Variants in KCNK3 observed in about 807,000 individuals in gnomAD.
KCNK3 encodes potassium channel subfamily K member 3.
A neutral mutation model predicts 27.3 loss-of-function variants in KCNK3; 9 were observed. That is an observed-to-expected ratio of 0.33 (90% CI 0.20 to 0.57). The LOEUF is 0.57. Among genes scored for constraint, KCNK3 ranks in the 20% least tolerant of loss-of-function variants. KCNK3 has a pLI of 0.87. For synonymous variants in KCNK3, 278 were observed against 273.8 expected (o/e 1.02, Z -0.15); for missense variants, 391 against 577.7 (o/e 0.68, Z 3.31).
At chr2:26,709,352 A>AGC in intron 1 of KCNK3, among the ~76,000 whole-genome samples, 1 of 152,266 alleles carries the variant, frequency 6.6e-6, no homozygotes, top group African/African-American at 2.4e-5. Flanking sequence ...AGAAGAGCAG[A>AGC]GCGCCCAGCC....
rs1663518248 is a variant in KCNK3 at position 26,730,567 on chromosome 2, C to T, written c.*1999C>T. 6.6e-6 allele frequency: 1 copy of T among 152,434 alleles called. No individual in the cohort carries two copies. Among genetic ancestry groups the T allele is most frequent in the Non-Finnish European group, 1.5e-5 (1 of 68,184 alleles). 9.4% of individuals were successfully genotyped at this position (152,434 alleles called of 1,614,324 possible). A position where few individuals can be genotyped will look rare whatever the true frequency, so the allele number is the denominator to read the frequency against. ...GCTCCTTAACACTGCCGACCAAGGC[C>T]AGCCCTGGCATTCAGGGAAATTGGA... is the stretch of plus-strand genomic sequence containing the variant. On this transcript the variant is annotated 3_prime_UTR_variant, in exon 2 of 2. Transcript: ENST00000302909.
intron 1 of KCNK3, among the ~76,000 whole-genome samples, chr2:26,699,335 TC>T (rs1203478780): frequency 1.3e-5 from 2 of 152,094 alleles, no homozygotes; most frequent in Non-Finnish European, 2.9e-5. Context: ...GTGCCATGCC[TC>T]CTGTCTGCAG....
chr2:26,712,061 T>C (rs1663129678), intron 1 of KCNK3, among the ~76,000 whole-genome samples: 1 of 152,200 alleles, frequency 6.6e-6, no homozygotes, highest in African/African-American at 2.4e-5. Context: ...TCTTATACCC[T>C]GGCCTGGCTG....
intron 1 of KCNK3, among the ~76,000 whole-genome samples, chr2:26,706,583 C>T (rs879341393): frequency 4.6e-5 from 7 of 152,242 alleles, no homozygotes; most frequent in Admixed American, 3.9e-4. Context: ...GCAGGGGCTC[C>T]TCTTGTCCTT....
At chr2:26,699,840 G>A (rs953216466) in intron 1 of KCNK3, among the ~76,000 whole-genome samples, 4 of 152,220 alleles carry the variant, frequency 2.6e-5, no homozygotes, top group African/African-American at 7.2e-5. Flanking sequence ...GGAAAAGGAC[G>A]CTCAGAGAAG....
At chr2:26,694,393 G>A (rs1230033159) in intron 1 of KCNK3, among the ~76,000 whole-genome samples, 6 of 152,132 alleles carry the variant, frequency 3.9e-5, no homozygotes, top group South Asian at 4.1e-4. Context: ...GCCACTTAGC[G>A]CAGCCCATGA....
intron 1 of KCNK3, among the ~76,000 whole-genome samples, chr2:26,696,431 C>G (rs556189351): frequency 2.6e-5 from 4 of 152,328 alleles, no homozygotes; most frequent in African/African-American, 9.6e-5. Flanking sequence ...CTATGAAGCT[C>G]AGACCCAGCC....
In KCNK3 at chr2:26,730,843, C is replaced by T; in HGVS notation, c.*2275C>T. ...TGTCCTGTCAGTCCCGAGGGAGCCACAACCAAAGCTGCGGAGAGAAGGTGG... is the reference window on the plus strand; with the variant it reads ...TGTCCTGTCAGTCCCGAGGGAGCCATAACCAAAGCTGCGGAGAGAAGGTGG... On this transcript the variant is annotated 3_prime_UTR_variant, in exon 2 of 2. Coordinates refer to ENST00000302909, the MANE Select transcript of KCNK3 (RefSeq NM_002246.3). 6.5e-6 allele frequency: 1 copy of T among 153,138 alleles called. No individual in the cohort carries two copies. The allele number at this position is 153,138 out of a possible 1,614,324, so 9.5% of individuals were successfully genotyped here. A position where few individuals can be genotyped will look rare whatever the true frequency, so the allele number is the denominator to read the frequency against.
Position 26,706,212 on chromosome 2 carries a change from C to T in KCNK3, c.283+13054C>T, listed in dbSNP as rs190313951. Among the ~76,000 whole-genome samples, 173 of 152,288 alleles carry T rather than the reference C, an allele frequency of 1.1e-3. 3 individuals carry two copies. The highest frequency in any genetic ancestry group is 8.1e-3 in the Admixed American group (124 of 15,302). On this transcript the variant is annotated intron_variant, in intron 1 of 1. Transcript: ENST00000302909. ...GCTGAGGAAGATCTTTGCTCATCCT[C>T]GAGCCAAAGCTCCTGGGGTGAGCCA...
intron 1 of KCNK3, among the ~76,000 whole-genome samples, chr2:26,715,320 T>C (rs1432787691): frequency 6.6e-6 from 1 of 152,216 alleles, no homozygotes; most frequent in Non-Finnish European, 1.5e-5. Context: ...TACAGGTGCT[T>C]AATAAATGTG....
chr2:26,698,229 G>A lies in KCNK3; in HGVS notation c.283+5071G>A, dbSNP rs558551554. On this transcript the variant is annotated intron_variant, in intron 1 of 1. Coordinates refer to ENST00000302909, the MANE Select transcript of KCNK3 (RefSeq NM_002246.3). ...GGGTAGCCCAGCCTAGGAAAGTCCC[G>A]GCACCCACCTCAGTTGGCATTTCCT... 2.2e-4 allele frequency among the ~76,000 whole-genome samples: 33 copies of A among 152,198 alleles called. No individual in the cohort carries two copies. The South Asian group carries it at 3.7e-3, about 17-fold the overall frequency.
chr2:26,708,164 G>T (rs1558598003), intron 1 of KCNK3, among the ~76,000 whole-genome samples: 1 of 152,202 alleles, frequency 6.6e-6, no homozygotes, highest in South Asian at 2.1e-4. Context: ...AGAGTGAGAG[G>T]GAGAGCTGCC....
At chr2:26,724,721 G>A (rs951752616) in intron 1 of KCNK3, among the ~76,000 whole-genome samples, 16 of 152,182 alleles carry the variant, frequency 1.1e-4, no homozygotes, top group African/African-American at 3.9e-4. Context: ...AGAGCCTCTG[G>A]TTAAGCCTGG....
intron 1 of KCNK3, among the ~76,000 whole-genome samples, chr2:26,715,059 G>A (rs1357551142): frequency 1.3e-5 from 2 of 152,180 alleles, no homozygotes; most frequent in Non-Finnish European, 2.9e-5. Context: ...TAGCTGAAAA[G>A]CCAGGGCACC....
intron 1 of KCNK3, among the ~76,000 whole-genome samples, chr2:26,709,208 G>A (rs1663054236): frequency 6.6e-6 from 1 of 152,202 alleles, no homozygotes; most frequent in Admixed American, 6.5e-5. Flanking sequence ...AATCCATGAA[G>A]GCAGTTAGAC....
chr2:26,707,037 G>A (rs1013272595), intron 1 of KCNK3, among the ~76,000 whole-genome samples: 9 of 152,158 alleles, frequency 5.9e-5, no homozygotes, highest in Middle Eastern at 3.4e-3. Context: ...TTTTGTCCCC[G>A]CTTCACCCCA....
chr2:26,709,493 A>T (rs1663062457), intron 1 of KCNK3, among the ~76,000 whole-genome samples: 1 of 152,186 alleles, frequency 6.6e-6, no homozygotes, highest in Admixed American at 6.5e-5. Flanking sequence ...CAAGCTGGCC[A>T]CTGCTTAGAG....
At chr2:26,723,025 C>G (rs77860128) in intron 1 of KCNK3, among the ~76,000 whole-genome samples, 2 of 152,342 alleles carry the variant, frequency 1.3e-5, no homozygotes, top group East Asian at 3.9e-4. Flanking sequence ...GCCCCATGCT[C>G]TTTCCTCTGC....
intron 1 of KCNK3, among the ~76,000 whole-genome samples, chr2:26,699,480 A>C (rs573079310): frequency 6.6e-6 from 1 of 152,380 alleles, no homozygotes; most frequent in African/African-American, 2.4e-5. Context: ...CAAAGCAAAC[A>C]TAAACAAGCA....
Sources: allele counts gnomAD v4.1 joint callset (sites outside exome capture counted in the v4.1 genomes callset), GRCh38; gene constraint gnomAD v4.1.1; transcripts MANE v1.5; gene names NCBI Gene and HGNC (gene_info 2026-07-23, HGNC 2026-07-21).